The following PLSCR2 variants were observed in gnomAD, a reference collection of about 807,000 sequenced individuals.
PLSCR2 encodes phospholipid scramblase 2, also known as PL scramblase 2.
A neutral mutation model predicts 25.3 loss-of-function variants in PLSCR2; 18 were observed. The ratio of observed to expected loss-of-function variants is 0.71; its 90% confidence interval spans 0.49 to 1.06. The LOEUF is 1.06. PLSCR2 is among the 50% of genes least tolerant of loss of function. The probability of loss-of-function intolerance (pLI) is 0.00; values close to 1 mark genes in which losing one functional copy is unlikely to be tolerated. For synonymous variants in PLSCR2, 88 were observed against 87.3 expected (o/e 1.01, Z -0.04); for missense variants, 243 against 269.5 (o/e 0.90, Z 0.69).
At chr3:146,410,194 C>T (rs1324635307) in intron 2 of PLSCR2, among the ~76,000 whole-genome samples, 1 of 151,276 alleles carries the variant, frequency 6.6e-6, no homozygotes, top group East Asian at 1.9e-4. Flanking sequence ...GGGGCAGGGG[C>T]GAGGAGGAAA....
intron 2 of PLSCR2, among the ~76,000 whole-genome samples, chr3:146,403,854 GAATT>G (rs1186772526): frequency 1.3e-5 from 2 of 152,086 alleles, no homozygotes; most frequent in Admixed American, 6.5e-5. Context: ...TCTCTTCAAA[GAATT>G]AATATGTCAG....
intron 3 of PLSCR2, among the ~76,000 whole-genome samples, chr3:146,456,472 C>T (rs1283209796): frequency 6.6e-6 from 1 of 152,008 alleles, no homozygotes; most frequent in Admixed American, 6.6e-5. Flanking sequence ...AATTTAAAAT[C>T]GAATATAAAA....
intron 5 of PLSCR2, 99 bp downstream of exon 5, chr3:146,453,903 A>G: frequency 1.1e-6 from 1 of 902,686 alleles, no homozygotes; most frequent in Non-Finnish European, 1.6e-6. Context: ...CTATTGAGAC[A>G]TCAGTACACA....
downstream of PLSCR2, among the ~76,000 whole-genome samples, chr3:146,438,246 T>A (rs551467126): frequency 1.4e-4 from 21 of 152,318 alleles, no homozygotes; most frequent in African/African-American, 4.1e-4. Context: ...AGAAAGTATA[T>A]TCTGTTGATC....
Position 146,454,196 on chromosome 3 carries a change from A to C in PLSCR2, c.322-33T>G, listed in dbSNP as rs761712121. Reference sequence around the variant, plus strand: ...AGTAAAATATGTGTGAACGTAATAAATCATCATAATAAAAATATCTAATAA... The same window carrying C: ...AGTAAAATATGTGTGAACGTAATAACTCATCATAATAAAAATATCTAATAA... On this transcript the variant is annotated intron_variant, in intron 4 of 6. Transcript: ENST00000610787. 7 of 1,428,400 alleles carry C rather than the reference A, an allele frequency of 4.9e-6. No individual in the cohort carries two copies. The Admixed American group carries it at 1.7e-4, about 34-fold the overall frequency. The allele number at this position is 1,428,400 out of a possible 1,614,324, so 88.5% of individuals were successfully genotyped here. A position where few individuals can be genotyped will look rare whatever the true frequency, so the allele number is the denominator to read the frequency against.
chr3:146,425,605 G>T (rs1010880420), intron 2 of PLSCR2, among the ~76,000 whole-genome samples: 1 of 152,154 alleles, frequency 6.6e-6, no homozygotes, highest in East Asian at 1.9e-4. Flanking sequence ...AGGCTGAAAG[G>T]ATTCTGGGGA....
chr3:146,483,092 A>G (rs1472384015), intron 1 of PLSCR2, among the ~76,000 whole-genome samples: 3 of 151,980 alleles, frequency 2.0e-5, no homozygotes, highest in Non-Finnish European at 4.4e-5. Context: ...TTTGCAGATG[A>G]CATGATTGTA....
downstream of PLSCR2, chr3:146,441,650 A>T (rs1028479568): frequency 1.7e-6 from 1 of 594,088 alleles, no homozygotes; most frequent in Non-Finnish European, 3.0e-6. Context: ...ATCATAGCTT[A>T]ACTCACACAG....
At chr3:146,395,696 T>C (rs1230417346) in intron 3 of PLSCR2, 1 of 160,798 alleles carries the variant, frequency 6.2e-6, no homozygotes, top group Non-Finnish European at 1.4e-5. Flanking sequence ...GAAATATTAG[T>C]AAAAGTGCAA....
At chr3:146,429,154 A>G (rs1321675773), downstream of PLSCR2, among the ~76,000 whole-genome samples, 3 of 152,222 alleles carry the variant, frequency 2.0e-5, no homozygotes, top group African/African-American at 7.2e-5. Context: ...CACATGAAGC[A>G]TAGTGCCAGC....
exon 4 of PLSCR2, chr3:146,455,433 T>C (rs2041156769): frequency 6.2e-7 from 1 of 1,610,206 alleles, no homozygotes; most frequent in African/African-American, 1.3e-5. Context: ...ATTTCATACA[T>C]GTTACTACTT....
intron 2 of PLSCR2, among the ~76,000 whole-genome samples, chr3:146,407,620 G>A (rs1407054879): frequency 6.6e-6 from 1 of 152,146 alleles, no homozygotes. Flanking sequence ...TCTTGCTGAG[G>A]TGAGTAGCCT....
At chr3:146,483,699 C>A (rs1285189607) in intron 1 of PLSCR2, among the ~76,000 whole-genome samples, 1 of 150,606 alleles carries the variant, frequency 6.6e-6, no homozygotes, top group African/African-American at 2.4e-5. Context: ...AGAAGAGGGG[C>A]CTGACTGTTG....
At chr3:146,404,827 G>GGC (rs1438554614) in intron 2 of PLSCR2, among the ~76,000 whole-genome samples, 15 of 150,482 alleles carry the variant, frequency 1.0e-4, no homozygotes, top group Non-Finnish European at 1.9e-4. Context: ...AAAAAGGGGG[G>GGC]GGGTGGTGGT....
intron 2 of PLSCR2, among the ~76,000 whole-genome samples, chr3:146,403,933 G>A (rs1415743034): frequency 6.6e-6 from 1 of 151,892 alleles, no homozygotes; most frequent in Non-Finnish European, 1.5e-5. Context: ...CCTATTACCT[G>A]CTCCACCCTA....
intron 1 of PLSCR2, among the ~76,000 whole-genome samples, chr3:146,489,298 G>A (rs1481899083): frequency 6.6e-6 from 1 of 152,062 alleles, no homozygotes; most frequent in Admixed American, 6.6e-5. Context: ...TGCATGTCCT[G>A]CACATGTATC....
intron 1 of PLSCR2, among the ~76,000 whole-genome samples, chr3:146,481,395 C>A (rs369523615): frequency 6.6e-6 from 1 of 152,188 alleles, no homozygotes; most frequent in Admixed American, 6.5e-5. Flanking sequence ...TCTCAGGATA[C>A]AAAATCAATG....
At chr3:146,441,861 CCAAA>C (rs766777551) in intron 6 of PLSCR2, 40 bp from the exon 7 acceptor site, 3 of 1,352,670 alleles carry the variant, frequency 2.2e-6, no homozygotes, top group African/African-American at 1.4e-5. Context: ...TTCTCAGAAA[CCAAA>C]CAGAGATCAG....
At chr3:146,445,221 TTC>T (rs1282212192) in intron 6 of PLSCR2, among the ~76,000 whole-genome samples, 2 of 152,130 alleles carry the variant, frequency 1.3e-5, no homozygotes, top group African/African-American at 4.8e-5. Flanking sequence ...TGTTATAATA[TTC>T]TGTGTTTATC....
Sources: allele counts gnomAD v4.1 joint callset (sites outside exome capture counted in the v4.1 genomes callset), GRCh38; gene constraint gnomAD v4.1.1; transcripts MANE v1.5; gene names NCBI Gene and HGNC (gene_info 2026-07-23, HGNC 2026-07-21).